DNMT3B: variants seen among roughly 807,000 people sequenced by gnomAD.
DNMT3B encodes the protein DNA methyltransferase 3 beta, also known as DNA (cytosine-5)-methyltransferase 3B.
In DNMT3B, 37 loss-of-function variants were observed where a neutral mutation model predicts 120.2. The observed-to-expected ratio is 0.31, with a 90% CI of 0.24 to 0.40. The LOEUF (loss-of-function observed/expected upper bound fraction) is 0.40, where lower values mean the gene tolerates loss of function less well. Ranked by LOEUF, DNMT3B falls within the 10% of genes least tolerant of loss-of-function variation. The probability of loss-of-function intolerance (pLI) is 1.00; values close to 1 mark genes in which losing one functional copy is unlikely to be tolerated. For missense variants in DNMT3B, 878 were observed against 1,137.3 expected (o/e 0.77, Z 3.28); for synonymous variants, 412 against 442.8 (o/e 0.93, Z 0.87).
chr20:32,773,293 C>G (rs972800802), intron 1 of DNMT3B, among the ~76,000 whole-genome samples: 1 of 152,110 alleles, frequency 6.6e-6, no homozygotes, highest in African/African-American at 2.4e-5. Context: ...TGGACACACT[C>G]TTCTGATAAT....
intron 1 of DNMT3B, among the ~76,000 whole-genome samples, chr20:32,765,723 TTTTA>T (rs1021007384): frequency 8.1e-5 from 12 of 148,908 alleles, no homozygotes; most frequent in South Asian, 6.3e-4. Flanking sequence ...CCCGGCTGCT[TTTTA>T]TTTATTTATT....
chr20:32,799,737 C>T (rs1249118808), intron 16 of DNMT3B, among the ~76,000 whole-genome samples: 2 of 152,118 alleles, frequency 1.3e-5, no homozygotes, highest in East Asian at 1.9e-4. Context: ...AGGTTGGTCT[C>T]GAATTCCTGA....
chr20:32,787,963 T>G (rs1172619513), intron 6 of DNMT3B, among the ~76,000 whole-genome samples: 13 of 150,308 alleles, frequency 8.6e-5, no homozygotes, highest in Non-Finnish European at 1.5e-4. Context: ...AGTGGGGGAG[T>G]TTTTTGAGCC....
chr20:32,793,913 C>T (rs1250276025), intron 10 of DNMT3B, among the ~76,000 whole-genome samples: 1 of 152,078 alleles, frequency 6.6e-6, no homozygotes, highest in African/African-American at 2.4e-5. Flanking sequence ...AATTTTCTTT[C>T]CTAGGGTCAG....
At chr20:32,797,025 A>G in intron 13 of DNMT3B, 156 bp downstream of exon 13, 2 of 1,609,664 alleles carry the variant, frequency 1.2e-6, no homozygotes, top group Non-Finnish European at 1.7e-6. Context: ...CAGCTGTCAC[A>G]GAGGCCAATG....
intron 1 of DNMT3B, among the ~76,000 whole-genome samples, chr20:32,767,549 C>A (rs1352069337): frequency 1.2e-4 from 18 of 152,080 alleles, no homozygotes. Flanking sequence ...CCTCCCACTT[C>A]AGTCTCCAAA....
Position 32,795,511 on chromosome 20 carries a change from G to T in DNMT3B, c.1229G>T (p.Arg410Leu). The T allele has an allele frequency of 6.2e-7, 1 of 1,614,188 alleles. No individual in the cohort carries two copies. Reference protein sequence around the residue: ...KTNCYNNGKDRGDEDQSREQM... With the variant: ...KTNCYNNGKDLGDEDQSREQM... ...AATTGCTATAACAACGGCAAAGACC[G>T]AGGGGATGAAGATCAGAGCCGAGGT... The change falls in exon 11 of 23, where the codon CGA becomes CTA. Residue 410 changes from arginine to leucine, a missense_variant. Coordinates refer to ENST00000328111, the MANE Select transcript of DNMT3B (RefSeq NM_006892.4).
At chr20:32,804,744 T>C (rs1051176769) in intron 20 of DNMT3B, among the ~76,000 whole-genome samples, 11 of 140,570 alleles carry the variant, frequency 7.8e-5, no homozygotes, top group African/African-American at 2.1e-4. Context: ...CAGGCTGGAG[T>C]GCAGTGTTGT....
At chr20:32,786,441 C>G in intron 4 of DNMT3B, 61 bp from the exon 5 acceptor site, 1 of 1,611,814 alleles carries the variant, frequency 6.2e-7, no homozygotes, top group Non-Finnish European at 8.5e-7. Flanking sequence ...TCCTTCTGGC[C>G]CCGCCAGACC....
intron 1 of DNMT3B, chr20:32,780,069 C>G (rs1190161609): frequency 6.2e-7 from 1 of 1,607,408 alleles, no homozygotes; most frequent in Non-Finnish European, 8.5e-7. Flanking sequence ...GGCCTCCCCA[C>G]TCTGTCCTGG....
intron 16 of DNMT3B, 76 bp from the exon 17 acceptor site, chr20:32,800,077 A>T: frequency 6.3e-7 from 1 of 1,595,540 alleles, no homozygotes; most frequent in Non-Finnish European, 8.6e-7. Flanking sequence ...TCATTTTACC[A>T]TAGCAGGGAG....
At chr20:32,802,191 T>C (rs1057067509) in intron 19 of DNMT3B, among the ~76,000 whole-genome samples, 194 bp from the exon 20 acceptor site, 2 of 152,156 alleles carry the variant, frequency 1.3e-5, no homozygotes, top group South Asian at 4.1e-4. Context: ...CTTATCTCTT[T>C]AGCTACCATT....
intron 20 of DNMT3B, among the ~76,000 whole-genome samples, chr20:32,804,185 G>A (rs1981696664): frequency 1.3e-5 from 2 of 152,230 alleles, no homozygotes; most frequent in South Asian, 4.1e-4. Context: ...ACCTGATGCA[G>A]ATCTGATGCT....
chr20:32,762,681 C>A lies in DNMT3B; in HGVS notation c.-25C>A. The stretch of plus-strand genomic sequence containing the variant: ...CGCGGCTCCGCCGCCCAGCCGCGCC[C>A]CAGCCAGCCCTGCGGCAGGTGAGCG... On this transcript the variant is annotated 5_prime_UTR_variant, in exon 1 of 23. Coordinates refer to ENST00000328111, the MANE Select transcript of DNMT3B (RefSeq NM_006892.4). 1 of 194,572 alleles carries A rather than the reference C, an allele frequency of 5.1e-6. No homozygotes were observed. The highest frequency in any genetic ancestry group is 1.0e-5 in the Non-Finnish European group (1 of 98,176). 12.1% of individuals were successfully genotyped at this position (194,572 alleles called of 1,614,324 possible).
At chr20:32,807,067 G>A (rs992471512) in intron 22 of DNMT3B, among the ~76,000 whole-genome samples, 2 of 152,206 alleles carry the variant, frequency 1.3e-5, no homozygotes, top group African/African-American at 4.8e-5. Flanking sequence ...AACCTAAAAT[G>A]GTTGGTGCAG....
rs562876776 is a variant in DNMT3B at position 32,792,101 on chromosome 20, T to G, written c.921+393T>G. On this transcript the variant is annotated intron_variant, in intron 8 of 22. Coordinates refer to ENST00000328111, the MANE Select transcript of DNMT3B (RefSeq NM_006892.4). ...TCCCCTATGAACCATTATACCCTGT[T>G]TCTCCCTTCACCTTGATTTTTTCCC... Among the ~76,000 whole-genome samples, 4 of 152,276 alleles carry G rather than the reference T, an allele frequency of 2.6e-5. No individual in the cohort carries two copies. In the South Asian group the frequency reaches 8.3e-4, roughly 32 times the overall value.
chr20:32,773,960 T>C (rs897329531), intron 1 of DNMT3B, among the ~76,000 whole-genome samples: 1 of 146,170 alleles, frequency 6.8e-6, no homozygotes, highest in Non-Finnish European at 1.5e-5. Context: ...TTTTTTTTTT[T>C]ACGCTTTCCT....
Position 32,788,915 on chromosome 20 carries a change from G to T in DNMT3B, c.716G>T (p.Trp239Leu). Residue 239 changes from tryptophan (W) to leucine (L), a missense_variant, in exon 7 of 23, where the codon TGG (tryptophan) becomes TTG (leucine). Trp to Leu is a moderately conservative substitution (Grantham distance 61). Transcript: ENST00000328111. Reference sequence around the variant, plus strand: ...GGAAAGATCAAGGGCTTCTCCTGGTGGCCCGCCATGGTGGTGTCTTGGAAG... The same window carrying T: ...GGAAAGATCAAGGGCTTCTCCTGGTTGCCCGCCATGGTGGTGTCTTGGAAG... ...VWGKIKGFSW[W>L]PAMVVSWKAT... is the part of the protein sequence containing the mutation. 1 of 1,613,620 alleles carries T rather than the reference G, an allele frequency of 6.2e-7. No individual in the cohort carries two copies. Among genetic ancestry groups the T allele is most frequent in the Non-Finnish European group, 8.5e-7 (1 of 1,179,914 alleles).
At chr20:32,777,726 C>T (rs1293803019) in intron 1 of DNMT3B, among the ~76,000 whole-genome samples, 4 of 152,118 alleles carry the variant, frequency 2.6e-5, no homozygotes, top group Non-Finnish European at 2.9e-5. Flanking sequence ...TATTCTGAAC[C>T]GACACCGCAG....
Sources: allele counts gnomAD v4.1 joint callset (sites outside exome capture counted in the v4.1 genomes callset), GRCh38; gene constraint gnomAD v4.1.1; transcripts MANE v1.5; gene names NCBI Gene and HGNC (gene_info 2026-07-23, HGNC 2026-07-21).